EFCAB11: variants seen among roughly 807,000 people sequenced by gnomAD.
EFCAB11 encodes EF-hand calcium binding domain 11.
EFCAB11 carries 14 observed loss-of-function variants against 23.0 expected under a neutral mutation model. The observed-to-expected ratio is 0.61, with a 90% CI of 0.40 to 0.95. The LOEUF is 0.95. EFCAB11 is among the 40% of genes least tolerant of loss of function. EFCAB11 has a pLI of 0.00. For synonymous variants in EFCAB11, 65 were observed against 66.6 expected (o/e 0.98, Z 0.11); for missense variants, 198 against 195.8 (o/e 1.01, Z -0.07).
At chr14:89,887,714 T>C (rs1240784257) in intron 5 of EFCAB11, among the ~76,000 whole-genome samples, 3 of 152,188 alleles carry the variant, frequency 2.0e-5, no homozygotes, top group South Asian at 2.1e-4. Context: ...AGACTGTAAA[T>C]ATATTCCTGG....
Position 89,952,947 on chromosome 14 carries a change from G to A in EFCAB11, c.171+959C>T, listed in dbSNP as rs543194110. Among the ~76,000 whole-genome samples the A allele has an allele frequency of 2.0e-4, 30 of 152,200 alleles. No homozygotes were observed. In the South Asian group the frequency reaches 5.8e-3, roughly 29 times the overall value. ...CTTAACAAGAAGGGTGTTGTCTCTC[G>A]AATGAATGTAACAGGAAAGCAGAAA... On this transcript the variant is annotated intron_variant, in intron 2 of 5. Transcript: ENST00000316738.
chr14:89,838,421 T>C (rs1259723876), intron 5 of EFCAB11, among the ~76,000 whole-genome samples: 2 of 148,468 alleles, frequency 1.3e-5, no homozygotes, highest in South Asian at 2.1e-4. Flanking sequence ...TCTCCCAATA[T>C]GCACTACAGA....
At chr14:89,903,275 A>G (rs1294013481) in intron 5 of EFCAB11, among the ~76,000 whole-genome samples, 3 of 152,212 alleles carry the variant, frequency 2.0e-5, no homozygotes, top group African/African-American at 7.2e-5. Flanking sequence ...AAACCTCCTC[A>G]TTTTTCAAGC....
chr14:89,826,839 T>C (rs1886706943), intron 5 of EFCAB11, among the ~76,000 whole-genome samples: 1 of 152,168 alleles, frequency 6.6e-6, no homozygotes, highest in African/African-American at 2.4e-5. Context: ...CAGGCACTTC[T>C]TCACAATCAA....
intron 5 of EFCAB11, among the ~76,000 whole-genome samples, chr14:89,821,478 A>T (rs1426959772): frequency 6.6e-6 from 1 of 152,198 alleles, no homozygotes; most frequent in Non-Finnish European, 1.5e-5. Flanking sequence ...TCCTATGCTT[A>T]TAAAACTCAG....
At chr14:89,821,914 C>T (rs970291154) in intron 5 of EFCAB11, among the ~76,000 whole-genome samples, 1 of 152,190 alleles carries the variant, frequency 6.6e-6, no homozygotes, top group African/African-American at 2.4e-5. Context: ...TATCACTTTA[C>T]AAAATATCAT....
intron 5 of EFCAB11, among the ~76,000 whole-genome samples, chr14:89,867,327 C>T (rs992049725): frequency 5.9e-5 from 9 of 152,206 alleles, no homozygotes; most frequent in African/African-American, 1.4e-4. Context: ...AAATCAGTCA[C>T]GGATGACCTC....
intron 3 of EFCAB11, among the ~76,000 whole-genome samples, chr14:89,935,719 C>A (rs1430945771): frequency 6.6e-6 from 1 of 152,118 alleles, no homozygotes; most frequent in Non-Finnish European, 1.5e-5. Flanking sequence ...ACTAAAAATA[C>A]AAAAATTAGC....
chr14:89,932,774 G>T, intron 3 of EFCAB11, 147 bp from the exon 4 acceptor site: 2 of 664,238 alleles, frequency 3.0e-6, no homozygotes, highest in Non-Finnish European at 5.0e-6. Context: ...GATCTGTGAA[G>T]TTTCCTGAAG....
At chr14:89,953,272 C>A (rs1891251379) in intron 2 of EFCAB11, among the ~76,000 whole-genome samples, 1 of 151,004 alleles carries the variant, frequency 6.6e-6, no homozygotes, top group African/African-American at 2.4e-5. Flanking sequence ...AATATGCAAC[C>A]ATATTTTAAA....
At chr14:89,805,303 C>A (rs923058394) in intron 5 of EFCAB11, among the ~76,000 whole-genome samples, 1 of 152,194 alleles carries the variant, frequency 6.6e-6, no homozygotes, top group African/African-American at 2.4e-5. Context: ...TAACCAATGA[C>A]TGTAATCCCA....
intron 5 of EFCAB11, among the ~76,000 whole-genome samples, chr14:89,897,565 T>C (rs957755965): frequency 6.6e-5 from 10 of 152,144 alleles, no homozygotes; most frequent in South Asian, 2.1e-4. Flanking sequence ...TATTGGTTCC[T>C]ATGGAAAAAG....
intron 5 of EFCAB11, among the ~76,000 whole-genome samples, chr14:89,865,426 C>T (rs1426656764): frequency 6.6e-6 from 1 of 151,856 alleles, no homozygotes; most frequent in African/African-American, 2.4e-5. Flanking sequence ...GAGTCCTGGG[C>T]GTCTGAAGAG....
chr14:89,813,480 T>A (rs1443041224), intron 5 of EFCAB11, among the ~76,000 whole-genome samples: 1 of 152,212 alleles, frequency 6.6e-6, no homozygotes, highest in African/African-American at 2.4e-5. Flanking sequence ...ATATTAATGA[T>A]AATTATCTTT....
chr14:89,837,143 C>A, intron 5 of EFCAB11: 1 of 455,612 alleles, frequency 2.2e-6, no homozygotes, highest in East Asian at 6.9e-5. Flanking sequence ...AATCCTTAGG[C>A]CTCTGCAACA....
At chr14:89,831,509 A>T (rs1886883168) in intron 5 of EFCAB11, among the ~76,000 whole-genome samples, 1 of 152,258 alleles carries the variant, frequency 6.6e-6, no homozygotes, top group Non-Finnish European at 1.5e-5. Context: ...TATATAAAAA[A>T]GCAAGTTGCT....
At chr14:89,879,975 G>A (rs1888552582) in intron 5 of EFCAB11, among the ~76,000 whole-genome samples, 2 of 152,292 alleles carry the variant, frequency 1.3e-5, no homozygotes, top group Non-Finnish European at 1.5e-5. Context: ...ATATATGTGT[G>A]GGTACGCATG....
chr14:89,929,068 G>A (rs373071115), intron 5 of EFCAB11, among the ~76,000 whole-genome samples: 24,464 of 142,794 alleles, frequency 0.17, 2,739 homozygotes, highest in South Asian at 0.31. Flanking sequence ...TTTTTTTTTA[G>A]GAGGGTCTTG....
chr14:89,949,156 A>T (rs1439489686), intron 3 of EFCAB11, among the ~76,000 whole-genome samples: 2 of 152,168 alleles, frequency 1.3e-5, no homozygotes, highest in African/African-American at 2.4e-5. Context: ...AACACAAAGG[A>T]TTAATGCTCG....
Sources: allele counts gnomAD v4.1 joint callset (sites outside exome capture counted in the v4.1 genomes callset), GRCh38; gene constraint gnomAD v4.1.1; transcripts MANE v1.5; gene names NCBI Gene and HGNC (gene_info 2026-07-23, HGNC 2026-07-21).